Variants in ERBIN observed in about 807,000 individuals in gnomAD.
The protein encoded by ERBIN is erbb2 interacting protein, also known as densin-180-like protein.
ERBIN carries 60 observed loss-of-function variants against 158.4 expected under a neutral mutation model. That is an observed-to-expected ratio of 0.38 (90% CI 0.31 to 0.47). The LOEUF (loss-of-function observed/expected upper bound fraction) is 0.47, where lower values mean the gene tolerates loss of function less well. ERBIN is among the 20% of genes least tolerant of loss of function. The pLI is 0.99. For missense variants in ERBIN, 1,610 were observed against 1,648.0 expected, an observed-to-expected ratio of 0.98 and a Z score of 0.40; for synonymous variants, 594 against 557.2, an observed-to-expected ratio of 1.07 and a Z score of -0.93.
At chr5:66,031,612 T>A (rs1407604495) in intron 14 of ERBIN, among the ~76,000 whole-genome samples, 1 of 152,138 alleles carries the variant, frequency 6.6e-6, no homozygotes, top group Non-Finnish European at 1.5e-5. Flanking sequence ...TGGGAGGATC[T>A]TTTGAGGCCC....
rs1759296922 is a variant in ERBIN at position 66,053,791 on chromosome 5, C to T, written c.2473C>T (p.His825Tyr). 1.2e-6 allele frequency: 2 copies of T among 1,613,798 alleles called. No homozygotes were observed. The highest frequency in any genetic ancestry group is 3.3e-4 in the Middle Eastern group (2 of 6,062). Reference sequence around the variant, plus strand: ...GGAATCCGTAAATAAGGTAAATGGACATTCTGAGGAAACTTCCCAGTCTCC... The same window carrying T: ...GGAATCCGTAAATAAGGTAAATGGATATTCTGAGGAAACTTCCCAGTCTCC... ...NLESVNKVNGHSEETSQSPNR... is the reference protein window; with the variant it reads ...NLESVNKVNGYSEETSQSPNR... The change falls in exon 21 of 26, where the codon CAT becomes TAT. Residue 825 changes from histidine to tyrosine, a missense_variant. Transcript: ENST00000284037.
At chr5:65,952,422 T>C (rs1168856379) in intron 1 of ERBIN, among the ~76,000 whole-genome samples, 1 of 152,050 alleles carries the variant, frequency 6.6e-6, no homozygotes, top group Admixed American at 6.6e-5. Context: ...TTCATAGGCA[T>C]GATCATGGTG....
intron 21 of ERBIN, among the ~76,000 whole-genome samples, chr5:66,070,690 G>T (rs1226410647): frequency 6.6e-6 from 1 of 152,140 alleles, no homozygotes; most frequent in African/African-American, 2.4e-5. Flanking sequence ...CTCAAAAAGG[G>T]AGAAGGAAAA....
At chr5:65,976,137 T>C (rs1003191741) in intron 1 of ERBIN, among the ~76,000 whole-genome samples, 2 of 152,184 alleles carry the variant, frequency 1.3e-5, no homozygotes, top group African/African-American at 2.4e-5. Context: ...TTAATCCTGC[T>C]ACAGGATCGT....
chr5:65,927,779 T>A (rs1580029106), intron 1 of ERBIN, among the ~76,000 whole-genome samples: 1 of 152,352 alleles, frequency 6.6e-6, no homozygotes, highest in South Asian at 2.1e-4. Context: ...GGGGCAGGAT[T>A]CATGAAGCAT....
intron 1 of ERBIN, among the ~76,000 whole-genome samples, chr5:65,970,663 C>T (rs1034442049): frequency 5.3e-5 from 8 of 152,302 alleles, no homozygotes; most frequent in Admixed American, 3.9e-4. Flanking sequence ...CATAGCTCAT[C>T]GTGGCCTTGA....
At chr5:65,971,753 C>T (rs1414041855) in intron 1 of ERBIN, among the ~76,000 whole-genome samples, 4 of 152,132 alleles carry the variant, frequency 2.6e-5, no homozygotes, top group African/African-American at 7.2e-5. Flanking sequence ...GTTACAGTTC[C>T]GCTAAATGCA....
chr5:65,940,272 A>G (rs372803298), intron 1 of ERBIN, among the ~76,000 whole-genome samples: 2 of 143,626 alleles, frequency 1.4e-5, no homozygotes, highest in African/African-American at 2.7e-5. Context: ...GTCTCTGCCC[A>G]GCCGCCCCGT....
chr5:66,005,082 CTA>C (rs761842113), intron 4 of ERBIN, among the ~76,000 whole-genome samples: 3 of 144,546 alleles, frequency 2.1e-5, no homozygotes, highest in Non-Finnish European at 3.0e-5. Context: ...TTTAATCTGT[CTA>C]TATATATATA....
chr5:65,936,192 A>G (rs989263571), intron 1 of ERBIN, among the ~76,000 whole-genome samples: 10 of 152,280 alleles, frequency 6.6e-5, no homozygotes, highest in African/African-American at 2.4e-4. Flanking sequence ...GTATGTTTGT[A>G]GTAGGACCAG....
intron 17 of ERBIN, 134 bp from the exon 18 acceptor site, chr5:66,046,219 T>C (rs1396671893): frequency 2.4e-5 from 11 of 464,080 alleles, no homozygotes; most frequent in Non-Finnish European, 3.3e-5. Flanking sequence ...CACAGGTTTC[T>C]ATGTTTAAAG....
At chr5:66,062,526 C>A (rs962479576) in intron 21 of ERBIN, among the ~76,000 whole-genome samples, 1 of 151,016 alleles carries the variant, frequency 6.6e-6, no homozygotes, top group Non-Finnish European at 1.5e-5. Context: ...TCTTCTGAAG[C>A]CTTCCTCTCT....
At chr5:65,964,773 C>T (rs544765143) in intron 1 of ERBIN, among the ~76,000 whole-genome samples, 6 of 125,858 alleles carry the variant, frequency 4.8e-5, no homozygotes, top group African/African-American at 1.2e-4. Flanking sequence ...GATGGAGTCT[C>T]GCTCTGTCAC....
intron 1 of ERBIN, among the ~76,000 whole-genome samples, chr5:65,983,413 C>CT (rs932245317): frequency 5.3e-4 from 80 of 151,382 alleles, no homozygotes; most frequent in Middle Eastern, 3.4e-3. Context: ...AGTTCAAAAA[C>CT]TTTTTTTTTA....
intron 1 of ERBIN, among the ~76,000 whole-genome samples, chr5:65,985,159 T>C (rs950573319): frequency 6.6e-6 from 1 of 152,220 alleles, no homozygotes; most frequent in Non-Finnish European, 1.5e-5. Flanking sequence ...AGTGGCGCAA[T>C]CTTGGCTCAC....
chr5:65,995,750 A>C (rs1391564477), intron 4 of ERBIN, among the ~76,000 whole-genome samples: 1 of 152,168 alleles, frequency 6.6e-6, no homozygotes, highest in East Asian at 1.9e-4. Context: ...GTGTGCAAGC[A>C]TTCCCTTTTC....
rs909725963 is a variant in ERBIN at position 66,038,500 on chromosome 5, G to A, written c.1306+18G>A. 2.7e-5 allele frequency: 41 copies of A among 1,546,262 alleles called. No homozygotes were observed. The highest frequency in any genetic ancestry group is 5.5e-5 in the African/African-American group (4 of 72,438). ...TGAGGATGGTAGGAATTTCATAATC[G>A]ATTTTCTTGTTAAAAACAAATACTA... is the stretch of plus-strand genomic sequence containing the variant. On this transcript the variant is annotated intron_variant, in intron 15 of 25. Transcript: ENST00000284037.
chr5:65,975,867 G>A (rs1179964271), intron 1 of ERBIN, among the ~76,000 whole-genome samples: 1 of 152,152 alleles, frequency 6.6e-6, no homozygotes, highest in Admixed American at 6.5e-5. Context: ...TGCTGTGTGT[G>A]GTCACAATCA....
At chr5:65,984,487 C>T (rs987774042) in intron 1 of ERBIN, among the ~76,000 whole-genome samples, 2 of 152,212 alleles carry the variant, frequency 1.3e-5, no homozygotes, top group African/African-American at 4.8e-5. Flanking sequence ...CACCAGGCTT[C>T]ATGCCCACCC....
Sources: gnomAD v4.1 joint callset for allele counts (sites outside exome capture counted in the v4.1 genomes callset) on GRCh38, gnomAD v4.1.1 for gene constraint, MANE v1.5 for transcripts, NCBI Gene and HGNC (gene_info 2026-07-23, HGNC 2026-07-21) for gene names.